The following OPCML variants were observed in gnomAD, a reference collection of about 807,000 sequenced individuals.
OPCML encodes the protein opioid binding protein/cell adhesion molecule like, also known as opioid-binding protein/cell adhesion molecule.
Under a neutral mutation model 37.8 loss-of-function variants are expected in OPCML, and 13 were observed. The observed-to-expected ratio is 0.34, with a 90% CI of 0.22 to 0.55. The LOEUF is 0.55. OPCML is among the 20% of genes least tolerant of loss of function. The probability of loss-of-function intolerance (pLI) is 0.91; values close to 1 mark genes in which losing one functional copy is unlikely to be tolerated. For missense variants in OPCML, 341 were observed against 435.6 expected (o/e 0.78, Z 1.93); for synonymous variants, 176 against 168.8 (o/e 1.04, Z -0.33).
chr11:133,365,115 G>A (rs1944510991), intron 1 of OPCML, among the ~76,000 whole-genome samples: 1 of 150,978 alleles, frequency 6.6e-6, no homozygotes, highest in South Asian at 2.1e-4. Flanking sequence ...GGGAACCACT[G>A]CTGTGCAATG....
chr11:133,005,294 G>T (rs922379344), intron 1 of OPCML: 2 of 985,288 alleles, frequency 2.0e-6, no homozygotes, highest in African/African-American at 3.5e-5. Flanking sequence ...ATGAATGAAT[G>T]AATGGCTAGA....
At chr11:133,240,062 A>G (rs570265794) in intron 1 of OPCML, among the ~76,000 whole-genome samples, 27 of 151,990 alleles carry the variant, frequency 1.8e-4, no homozygotes, top group Non-Finnish European at 3.7e-4. Flanking sequence ...AAATAATTGA[A>G]AATGGCTCCA....
chr11:133,468,221 T>C (rs1947020855), intron 1 of OPCML, among the ~76,000 whole-genome samples: 1 of 152,122 alleles, frequency 6.6e-6, no homozygotes. Context: ...CTCTCCAGGG[T>C]CCCATGGCAG....
At chr11:132,437,387 A>G in intron 4 of OPCML, 28 bp from the exon 5 acceptor site, 1 of 1,611,804 alleles carries the variant, frequency 6.2e-7, no homozygotes, top group Non-Finnish European at 8.5e-7. Flanking sequence ...GACAGGAAAC[A>G]ATCAGGAAAC....
At chr11:132,977,446 C>T (rs1212377240) in intron 1 of OPCML, among the ~76,000 whole-genome samples, 1 of 152,206 alleles carries the variant, frequency 6.6e-6, no homozygotes, top group Admixed American at 6.5e-5. Flanking sequence ...AGATTTAGCT[C>T]ATAGATAGCT....
chr11:132,799,892 T>C (rs1213363290), intron 2 of OPCML, among the ~76,000 whole-genome samples: 1 of 152,208 alleles, frequency 6.6e-6, no homozygotes, highest in South Asian at 2.1e-4. Flanking sequence ...CTTGTAAAGT[T>C]CATTTCGGCT....
intron 3 of OPCML, among the ~76,000 whole-genome samples, chr11:132,586,664 G>T (rs2096473356): frequency 6.6e-6 from 1 of 152,188 alleles, no homozygotes; most frequent in Admixed American, 6.5e-5. Context: ...ACACTTGGTA[G>T]AATATCACAT....
At chr11:132,862,319 G>A (rs1027574571) in intron 2 of OPCML, among the ~76,000 whole-genome samples, 1 of 152,074 alleles carries the variant, frequency 6.6e-6, no homozygotes, top group Non-Finnish European at 1.5e-5. Context: ...CGGGTAGGCT[G>A]GGTGCATCAT....
intron 2 of OPCML, among the ~76,000 whole-genome samples, chr11:132,894,314 C>T (rs1943755907): frequency 6.6e-6 from 1 of 152,204 alleles, no homozygotes; most frequent in African/African-American, 2.4e-5. Context: ...ACCTTGCTCT[C>T]CAGCTAACTT....
intron 1 of OPCML, among the ~76,000 whole-genome samples, chr11:133,224,555 T>G (rs543913821): frequency 1.3e-5 from 2 of 152,338 alleles, no homozygotes; most frequent in Non-Finnish European, 2.9e-5. Context: ...CCCTGTAGCC[T>G]GCCCAGATCC....
intron 2 of OPCML, among the ~76,000 whole-genome samples, chr11:132,898,421 G>C (rs2336469): frequency 0.46 from 70,207 of 151,970 alleles, 16,898 homozygotes; most frequent in African/African-American, 0.59. Flanking sequence ...GAACTCACCT[G>C]ACAGCCAAAG....
chr11:132,990,254 G>A (rs1448589744), intron 1 of OPCML, among the ~76,000 whole-genome samples: 1 of 152,224 alleles, frequency 6.6e-6, no homozygotes, highest in Non-Finnish European at 1.5e-5. Flanking sequence ...TGTGTGCACA[G>A]AATGTTGATA....
chr11:133,126,100 TGAGA>T (rs1592026181), intron 1 of OPCML, among the ~76,000 whole-genome samples: 1 of 147,834 alleles, frequency 6.8e-6, no homozygotes, highest in Non-Finnish European at 1.5e-5. Flanking sequence ...CACACATATA[TGAGA>T]GAGAGAGAGA....
intron 1 of OPCML, among the ~76,000 whole-genome samples, chr11:133,530,098 G>A (rs866249029): frequency 6.6e-6 from 1 of 152,206 alleles, no homozygotes; most frequent in Non-Finnish European, 1.5e-5. Context: ...GGGCAGGGGG[G>A]TGGGGGGGAT....
At chr11:132,468,723 C>A (rs749042147) in intron 4 of OPCML, among the ~76,000 whole-genome samples, 2 of 152,162 alleles carry the variant, frequency 1.3e-5, no homozygotes, top group African/African-American at 4.8e-5. Flanking sequence ...GATTACATAA[C>A]GCTCTGTGAG....
At position 133,459,538 on chromosome 11, in the gene OPCML, T is replaced by C. The variant is rs1946810992; in HGVS notation, c.61+72726A>G. ...AGTGAAAATATGGGAAAAGGTATTCTATGCAAATAGTAACCAAAACAAAAG... is the reference window on the plus strand; with the variant it reads ...AGTGAAAATATGGGAAAAGGTATTCCATGCAAATAGTAACCAAAACAAAAG... On this transcript the variant is annotated intron_variant, in intron 1 of 7. Coordinates refer to ENST00000524381, the MANE Select transcript of OPCML (RefSeq NM_001012393.5). Among the ~76,000 whole-genome samples the C allele has an allele frequency of 1.3e-5, 2 of 152,086 alleles. 1 individual carries two copies. The highest frequency in any genetic ancestry group is 1.3e-4 in the Admixed American group (2 of 15,256).
chr11:133,024,936 C>T (rs1316022147), intron 1 of OPCML: 1 of 985,362 alleles, frequency 1.0e-6, no homozygotes. Flanking sequence ...TATTTGAATT[C>T]CTGAACCAAT....
chr11:133,384,778 G>C (rs549814092), intron 1 of OPCML, among the ~76,000 whole-genome samples: 2 of 152,190 alleles, frequency 1.3e-5, no homozygotes, highest in African/African-American at 2.4e-5. Flanking sequence ...CATAGCCCTC[G>C]CCAAAGCCCC....
At chr11:133,291,400 G>T (rs1260480332) in intron 1 of OPCML, among the ~76,000 whole-genome samples, 1 of 151,522 alleles carries the variant, frequency 6.6e-6, no homozygotes, top group Non-Finnish European at 1.5e-5. Context: ...CCAGCATCCA[G>T]CCATGGACTG....
Sources: gnomAD v4.1 joint callset for allele counts (sites outside exome capture counted in the v4.1 genomes callset) on GRCh38, gnomAD v4.1.1 for gene constraint, MANE v1.5 for transcripts, NCBI Gene and HGNC (gene_info 2026-07-23, HGNC 2026-07-21) for gene names.